Variants in ARL15 observed in about 807,000 individuals in gnomAD.
ARL15 encodes the protein ADP-ribosylation factor-like protein 15.
In ARL15, 19 loss-of-function variants were observed where a neutral mutation model predicts 25.2. That is an observed-to-expected ratio of 0.75 (90% CI 0.53 to 1.10). The LOEUF (loss-of-function observed/expected upper bound fraction) is 1.10. Among genes scored for constraint, ARL15 ranks in the 50% least tolerant of loss-of-function variants. The pLI, the probability that ARL15 is intolerant of heterozygous loss-of-function variation, is 0.00. For missense variants in ARL15, 220 were observed against 246.0 expected (o/e 0.89, Z 0.71); for synonymous variants, 94 against 86.8 (o/e 1.08, Z -0.46).
intron 4 of ARL15, among the ~76,000 whole-genome samples, chr5:53,903,887 C>T (rs1221822885): frequency 6.6e-6 from 1 of 152,138 alleles, no homozygotes; most frequent in East Asian, 1.9e-4. Flanking sequence ...CAAAGGTGAA[C>T]ATAACAAGTC....
At chr5:54,120,975 T>A (rs1753055353) in intron 3 of ARL15, among the ~76,000 whole-genome samples, 2 of 152,162 alleles carry the variant, frequency 1.3e-5, no homozygotes, top group South Asian at 4.1e-4. Flanking sequence ...ACCAATCCTG[T>A]GACAAAACTG....
At chr5:54,226,512 G>T (rs73754497) in intron 1 of ARL15, among the ~76,000 whole-genome samples, 2,292 of 152,230 alleles carry the variant, frequency 0.015, 67 homozygotes, top group African/African-American at 0.053. Context: ...GATAATATCA[G>T]AAGACCAAGC....
At chr5:54,291,476 T>G (rs914855099) in intron 1 of ARL15, among the ~76,000 whole-genome samples, 1 of 152,246 alleles carries the variant, frequency 6.6e-6, no homozygotes, top group African/African-American at 2.4e-5. Context: ...GTATTATTTT[T>G]TATATTTTTT....
chr5:54,072,176 T>C (rs564401687), intron 4 of ARL15, among the ~76,000 whole-genome samples: 1 of 152,240 alleles, frequency 6.6e-6, no homozygotes, highest in East Asian at 1.9e-4. Context: ...AATCATACTG[T>C]GTACAAGACA....
At chr5:54,257,302 C>T (rs984618452) in intron 1 of ARL15, among the ~76,000 whole-genome samples, 1 of 152,086 alleles carries the variant, frequency 6.6e-6, no homozygotes, top group Non-Finnish European at 1.5e-5. Context: ...AAATAAAATA[C>T]CTAGAAATAC....
At chr5:53,914,038 C>T (rs1272313929) in intron 4 of ARL15, among the ~76,000 whole-genome samples, 1 of 152,016 alleles carries the variant, frequency 6.6e-6, no homozygotes, top group African/African-American at 2.4e-5. Context: ...TCCTTATCTC[C>T]TTTTCCCTTC....
intron 1 of ARL15, among the ~76,000 whole-genome samples, chr5:54,196,398 C>T (rs1321318876): frequency 2.0e-5 from 3 of 152,034 alleles, no homozygotes; most frequent in African/African-American, 7.2e-5. Context: ...GCCACATTTG[C>T]CAAATCACCT....
chr5:54,068,606 C>G (rs1751320148), intron 4 of ARL15, among the ~76,000 whole-genome samples: 1 of 152,108 alleles, frequency 6.6e-6, no homozygotes, highest in African/African-American at 2.4e-5. Context: ...GAGATAAATC[C>G]TATTAATAGG....
At chr5:53,976,134 G>A (rs1489138936) in intron 4 of ARL15, among the ~76,000 whole-genome samples, 1 of 152,108 alleles carries the variant, frequency 6.6e-6, no homozygotes, top group Non-Finnish European at 1.5e-5. Context: ...TGCTATGCAG[G>A]CAGCAAAAAC....
At chr5:53,896,100 G>C (rs1744863607) in intron 4 of ARL15, among the ~76,000 whole-genome samples, 1 of 151,944 alleles carries the variant, frequency 6.6e-6, no homozygotes, top group South Asian at 2.1e-4. Context: ...ATGGCACCAT[G>C]TCGGCTTGCT....
intron 4 of ARL15, among the ~76,000 whole-genome samples, chr5:53,959,328 T>C (rs2112143557): frequency 6.6e-6 from 1 of 152,278 alleles, no homozygotes; most frequent in Middle Eastern, 3.4e-3. Context: ...TATGCAAATT[T>C]ATGGGAGGAG....
intron 1 of ARL15, among the ~76,000 whole-genome samples, chr5:54,224,961 T>C (rs749196192): frequency 2.6e-5 from 4 of 152,058 alleles, no homozygotes; most frequent in Non-Finnish European, 5.9e-5. Flanking sequence ...AATGGGAAAA[T>C]AAAGGCACTG....
chr5:54,267,390 CAG>C (rs1245094191), intron 1 of ARL15, among the ~76,000 whole-genome samples: 2 of 152,168 alleles, frequency 1.3e-5, no homozygotes, highest in Non-Finnish European at 2.9e-5. Flanking sequence ...CGCGCCTGGC[CAG>C]AGCTCTGTTT....
At chr5:54,198,829 G>A (rs1335563775) in intron 1 of ARL15, among the ~76,000 whole-genome samples, 9 of 151,716 alleles carry the variant, frequency 5.9e-5, no homozygotes, top group African/African-American at 1.2e-4. Flanking sequence ...AAAAGAGCCC[G>A]CATCGCCAAG....
chr5:54,084,910 C>T (rs1451367030), intron 4 of ARL15, among the ~76,000 whole-genome samples: 2 of 151,986 alleles, frequency 1.3e-5, no homozygotes, highest in Admixed American at 6.6e-5. Context: ...AATGATTGGG[C>T]GGGAGAGGCC....
chr5:54,201,486 C>T (rs984823751), intron 1 of ARL15, among the ~76,000 whole-genome samples: 1 of 152,060 alleles, frequency 6.6e-6, no homozygotes, highest in Non-Finnish European at 1.5e-5. Flanking sequence ...GCAAGAACCC[C>T]CATATCTAAT....
chr5:53,931,359 T>C (rs889626816), intron 4 of ARL15, among the ~76,000 whole-genome samples: 4 of 152,220 alleles, frequency 2.6e-5, no homozygotes, highest in Admixed American at 1.3e-4. Flanking sequence ...TTTGTTACTG[T>C]TTAAAGCAAA....
intron 1 of ARL15, among the ~76,000 whole-genome samples, chr5:54,269,010 G>A (rs1317999602): frequency 6.7e-6 from 1 of 148,698 alleles, no homozygotes; most frequent in Non-Finnish European, 1.5e-5. Context: ...TCATAGGTGG[G>A]AATTGAACAA....
chr5:54,184,439 T>TA (rs527755025), intron 1 of ARL15, among the ~76,000 whole-genome samples: 367 of 69,084 alleles, frequency 5.3e-3, no homozygotes, highest in Non-Finnish European at 7.5e-3. Flanking sequence ...ACACTGTCTT[T>TA]AAAAAAAAAA....
Sources: gnomAD v4.1 joint callset for allele counts (sites outside exome capture counted in the v4.1 genomes callset) on GRCh38, gnomAD v4.1.1 for gene constraint, MANE v1.5 for transcripts, NCBI Gene and HGNC (gene_info 2026-07-23, HGNC 2026-07-21) for gene names.